Variants in WNK2 observed in about 807,000 individuals in gnomAD.
WNK2 encodes WNK lysine deficient protein kinase 2.
In WNK2, 67 loss-of-function variants were observed where a neutral mutation model predicts 192.1. The observed-to-expected ratio is 0.35, with a 90% CI of 0.29 to 0.43. The LOEUF (loss-of-function observed/expected upper bound fraction) is 0.43. WNK2 is among the 20% of genes least tolerant of loss of function. The pLI is 1.00. For missense variants in WNK2, 2,698 were observed against 3,089.7 expected (o/e 0.87, Z 3.01); for synonymous variants, 1,439 against 1,393.9 (o/e 1.03, Z -0.72).
intron 16 of WNK2, among the ~76,000 whole-genome samples, chr9:93,264,262 A>T (rs1329311302): frequency 6.6e-6 from 1 of 152,154 alleles, no homozygotes; most frequent in African/African-American, 2.4e-5. Context: ...CCATTCTAAG[A>T]TGCTGCTCCC....
At chr9:93,287,293 A>G (rs935882749) in intron 19 of WNK2, among the ~76,000 whole-genome samples, 32 of 152,138 alleles carry the variant, frequency 2.1e-4, no homozygotes, top group African/African-American at 7.5e-4. Context: ...GCACCCTTAC[A>G]TAAAGCTAAA....
chr9:93,199,815 C>T (rs958563905), intron 2 of WNK2, among the ~76,000 whole-genome samples: 11 of 148,290 alleles, frequency 7.4e-5, no homozygotes, highest in African/African-American at 2.5e-4. Context: ...AGGAGAATGG[C>T]GTGAACCTGG....
At chr9:93,309,516 C>G (rs1853254241) in intron 28 of WNK2, among the ~76,000 whole-genome samples, 1 of 152,160 alleles carries the variant, frequency 6.6e-6, no homozygotes, top group South Asian at 2.1e-4. Flanking sequence ...ATAAAAGTAT[C>G]CATAATAGCT....
At chr9:93,262,162 G>T in intron 13 of WNK2, 55 bp downstream of exon 13, 5 of 1,516,192 alleles carry the variant, frequency 3.3e-6, no homozygotes, top group Non-Finnish European at 4.4e-6. Context: ...GGCCACCGGG[G>T]ATCTGCATAG....
intron 8 of WNK2, among the ~76,000 whole-genome samples, chr9:93,248,358 G>A (rs1410254837): frequency 6.6e-6 from 1 of 152,258 alleles, no homozygotes; most frequent in Non-Finnish European, 1.5e-5. Context: ...TCTCAGGACA[G>A]ATGGGGACAA....
intron 7 of WNK2, among the ~76,000 whole-genome samples, chr9:93,241,760 T>G (rs1033210588): frequency 6.6e-6 from 1 of 152,112 alleles, no homozygotes; most frequent in Non-Finnish European, 1.5e-5. Flanking sequence ...TCCTTGTCCA[T>G]GGGGGCACTG....
chr9:93,188,691 TCAGA>T (rs1256006572), intron 2 of WNK2, among the ~76,000 whole-genome samples: 2 of 152,170 alleles, frequency 1.3e-5, no homozygotes, highest in Non-Finnish European at 2.9e-5. Flanking sequence ...CCCTGTACTG[TCAGA>T]CAGGGTGCGG....
chr9:93,308,611 G>A, intron 28 of WNK2, 27 bp downstream of exon 28: 1 of 1,519,070 alleles, frequency 6.6e-7, no homozygotes, highest in Non-Finnish European at 8.9e-7. Flanking sequence ...TGGGGCGGGT[G>A]CTCCTGGGGT....
intron 2 of WNK2, among the ~76,000 whole-genome samples, chr9:93,186,580 G>A (rs1829379717): frequency 6.6e-6 from 1 of 152,234 alleles, no homozygotes; most frequent in Non-Finnish European, 1.5e-5. Flanking sequence ...GTCCAGTCCA[G>A]GCCTGAAACG....
intron 2 of WNK2, among the ~76,000 whole-genome samples, chr9:93,198,905 T>C (rs1353255676): frequency 1.3e-5 from 2 of 152,142 alleles, no homozygotes; most frequent in Non-Finnish European, 2.9e-5. Context: ...TGGGCAGCTT[T>C]GGTGCAGTCT....
At chr9:93,227,693 G>T (rs1041847508) in intron 2 of WNK2, among the ~76,000 whole-genome samples, 12 of 151,776 alleles carry the variant, frequency 7.9e-5, no homozygotes, top group African/African-American at 2.7e-4. Flanking sequence ...TGGAGATGGG[G>T]TCCTGCTGTG....
intron 12 of WNK2, among the ~76,000 whole-genome samples, chr9:93,260,205 G>A (rs1358659953): frequency 6.6e-6 from 1 of 152,176 alleles, no homozygotes; most frequent in African/African-American, 2.4e-5. Context: ...CACATGATAT[G>A]TGCCCTGCTG....
intron 28 of WNK2, among the ~76,000 whole-genome samples, chr9:93,311,011 C>T (rs769049519): frequency 1.3e-4 from 20 of 152,152 alleles, no homozygotes; most frequent in Admixed American, 2.6e-4. Flanking sequence ...CACTGTTCAT[C>T]TCCATCTCTT....
chr9:93,235,627 A>G (rs891706408), intron 5 of WNK2, among the ~76,000 whole-genome samples: 6 of 152,230 alleles, frequency 3.9e-5, no homozygotes, highest in Non-Finnish European at 2.9e-5. Context: ...GGCCAGGCCA[A>G]GGCTTTCTGT....
At chr9:93,205,309 T>C (rs775614583) in intron 2 of WNK2, among the ~76,000 whole-genome samples, 2 of 152,168 alleles carry the variant, frequency 1.3e-5, no homozygotes, top group Non-Finnish European at 2.9e-5. Context: ...GGCCACTGTG[T>C]GGGAAGGCCA....
rs936155830 is a variant in WNK2, at chr9:93,257,864, C to T, written c.2382+725C>T. ...GCATGTAACTGGTGCAGAATGTAGC[C>T]GGGGCCAGGGCACCATTGCCCAGGT... is the stretch of plus-strand genomic sequence containing the variant. On this transcript the variant is annotated intron_variant, in intron 11 of 29. Coordinates refer to ENST00000427277, the MANE Select transcript of WNK2 (RefSeq NM_006648.4). The surrounding 1 kb of genome is among the most constrained non-coding windows in gnomAD (Gnocchi z 4.7). Among the ~76,000 whole-genome samples, 4 of 152,198 alleles carry T rather than the reference C, an allele frequency of 2.6e-5. No individual in the cohort carries two copies. Among genetic ancestry groups the T allele is most frequent in the Non-Finnish European group, 4.4e-5 (3 of 68,036 alleles).
At chr9:93,311,216 T>G (rs1853595065) in intron 28 of WNK2, among the ~76,000 whole-genome samples, 1 of 152,150 alleles carries the variant, frequency 6.6e-6, no homozygotes, top group African/African-American at 2.4e-5. Flanking sequence ...AGGGCACCCT[T>G]GATGACATCC....
chr9:93,200,894 C>T (rs76202783), intron 2 of WNK2, among the ~76,000 whole-genome samples: 3,823 of 151,966 alleles, frequency 0.025, 145 homozygotes, highest in African/African-American at 0.086. Flanking sequence ...CCTTTAAAAC[C>T]GCTAGAAACA....
At chr9:93,261,711 G>C in intron 12 of WNK2, 103 bp from the exon 13 acceptor site, 1 of 1,375,658 alleles carries the variant, frequency 7.3e-7, no homozygotes, top group Admixed American at 1.9e-5. Context: ...CTGGAGAGGG[G>C]TGTTCCCATC....
Sources: allele counts gnomAD v4.1 joint callset (sites outside exome capture counted in the v4.1 genomes callset), GRCh38; gene constraint gnomAD v4.1.1; non-coding constraint Gnocchi (gnomAD v3.1); transcripts MANE v1.5; gene names NCBI Gene and HGNC (gene_info 2026-07-23, HGNC 2026-07-21).